NSD3: variants seen among roughly 807,000 people sequenced by gnomAD.
NSD3 encodes the protein histone-lysine N-methyltransferase NSD3.
In NSD3, 24 loss-of-function variants were observed where a neutral mutation model predicts 160.8. That is an observed-to-expected ratio of 0.15 (90% CI 0.11 to 0.21). The LOEUF is 0.21. Ranked by LOEUF, NSD3 falls within the 10% of genes least tolerant of loss-of-function variation. The pLI is 1.00. For synonymous variants in NSD3, 520 were observed against 600.0 expected, an observed-to-expected ratio of 0.87 and a Z score of 1.95; for missense variants, 1,157 against 1,735.9, an observed-to-expected ratio of 0.67 and a Z score of 5.93.
intron 1 of NSD3, 36 bp downstream of exon 1, chr8:38,381,762 AC>A (rs1811581625): frequency 6.5e-6 from 1 of 152,996 alleles, no homozygotes; most frequent in South Asian, 2.1e-4. Context: ...ACACACACAC[AC>A]ACACACACAC....
chr8:38,360,088 T>C lies in NSD3; in HGVS notation c.-44-11873A>G, dbSNP rs1034513601. ...ACAGCTCATGGCAGCCTCAACTTCC[T>C]GGGCTCAGGTGATTCTCCCACCTCA... On this transcript the variant is annotated intron_variant, in intron 1 of 23. Transcript: ENST00000317025. Among the ~76,000 whole-genome samples, 13 of 151,836 alleles carry C rather than the reference T, an allele frequency of 8.6e-5. No individual in the cohort carries two copies. The South Asian group carries it at 2.7e-3, about 32-fold the overall frequency.
Position 38,317,436 on chromosome 8 carries a change from G to C in NSD3, c.1856-1394C>G. 9.5e-7 allele frequency: 1 copy of C among 1,057,736 alleles called. No individual in the cohort carries two copies. The highest frequency in any genetic ancestry group is 1.1e-6 in the Non-Finnish European group (1 of 874,574). The allele number at this position is 1,057,736 out of a possible 1,614,324, so 65.5% of individuals were successfully genotyped here. ...GTTTTAACAGAGGAACAGGAGTGCT[G>C]TACTGAGAGGCTTTCGAAGGGAAAC... On this transcript the variant is annotated intron_variant, in intron 9 of 23. Transcript: ENST00000317025. The surrounding 1 kb of genome is among the most constrained non-coding windows in gnomAD (Gnocchi z 5.3).
At chr8:38,292,464 T>C (rs1053755940) in intron 16 of NSD3, among the ~76,000 whole-genome samples, 3 of 151,522 alleles carry the variant, frequency 2.0e-5, no homozygotes, top group African/African-American at 4.9e-5. Flanking sequence ...CTGGCCAACA[T>C]GGTGAAACCC....
chr8:38,328,614 A>G (rs1809972134), intron 6 of NSD3, among the ~76,000 whole-genome samples: 1 of 152,244 alleles, frequency 6.6e-6, no homozygotes. Context: ...AGGAAAAAAT[A>G]AGCATAGAAT....
intron 16 of NSD3, among the ~76,000 whole-genome samples, chr8:38,293,199 T>G (rs1321753523): frequency 6.7e-6 from 1 of 150,086 alleles, no homozygotes; most frequent in Non-Finnish European, 1.5e-5. Flanking sequence ...ATACCCCAGA[T>G]CTCAGCTAAA....
rs1465750290 is a variant in NSD3, at chr8:38,279,663, C to T, written c.3637G>A (p.Gly1213Ser). 2.5e-6 allele frequency: 4 copies of T among 1,613,312 alleles called. No individual in the cohort carries two copies. Among genetic ancestry groups the T allele is most frequent in the Non-Finnish European group, 3.4e-6 (4 of 1,179,538 alleles). Reference protein sequence around the residue: ...TVTKDRIIDAGPKGNYSRFMN... With the variant: ...TVTKDRIIDASPKGNYSRFMN... ...AAGCGAGAATAATTTCCTTTTGGGCCGGCATCAATTATACGGTCCTTCAGA... is the reference window on the plus strand; with the variant it reads ...AAGCGAGAATAATTTCCTTTTGGGCTGGCATCAATTATACGGTCCTTCAGA... Residue 1213 changes from glycine to serine, a missense_variant, in exon 21 of 24, where the codon GGC (glycine) becomes AGC (serine). Coordinates refer to ENST00000317025, the MANE Select transcript of NSD3 (RefSeq NM_023034.2).
chr8:38,326,653 C>A, intron 7 of NSD3, 77 bp downstream of exon 7: 1 of 1,345,436 alleles, frequency 7.4e-7, no homozygotes, highest in Admixed American at 2.9e-5. Context: ...TTCTTAGAAA[C>A]ACAGCTACCA....
At position 38,317,152 on chromosome 8, in the gene NSD3, T is replaced by G; in HGVS notation, c.1856-1110A>C. 9.4e-7 allele frequency: 1 copy of G among 1,063,320 alleles called. No individual in the cohort carries two copies. Among genetic ancestry groups the G allele is most frequent in the Middle Eastern group, 4.2e-4 (1 of 2,390 alleles). The allele number at this position is 1,063,320 out of a possible 1,614,324, so 65.9% of individuals were successfully genotyped here. A position where few individuals can be genotyped will look rare whatever the true frequency, so the allele number is the denominator to read the frequency against. On this transcript the variant is annotated intron_variant, in intron 9 of 23. Transcript: ENST00000317025. This position sits in a 1 kb window ranked among gnomAD's most constrained non-coding sequence, Gnocchi z 5.3. ...CAACAGGCTGAGTGAGAGTAGCACTTGGAACATAGCCACGTTCTGTGGTGG... is the reference window on the plus strand; with the variant it reads ...CAACAGGCTGAGTGAGAGTAGCACTGGGAACATAGCCACGTTCTGTGGTGG...
Position 38,319,801 on chromosome 8 carries a change from C to T in NSD3, c.1810-861G>A, listed in dbSNP as rs1364904248. 6.6e-6 allele frequency: 1 copy of T among 151,964 alleles called. No individual in the cohort carries two copies. Among genetic ancestry groups the T allele is most frequent in the Non-Finnish European group, 1.5e-5 (1 of 67,966 alleles). 9.4% of individuals were successfully genotyped at this position (151,964 alleles called of 1,614,324 possible). On this transcript the variant is annotated intron_variant, in intron 8 of 23. Coordinates refer to ENST00000317025, the MANE Select transcript of NSD3 (RefSeq NM_023034.2). This position sits in a 1 kb window ranked among gnomAD's most constrained non-coding sequence, Gnocchi z 4.1. ...ATTTTTTTTACAACAGGTAAAAAAA[C>T]ATACAACAGAAACGCTTTTATAAGA... is the stretch of plus-strand genomic sequence containing the variant.
chr8:38,287,865 G>A lies in NSD3; in HGVS notation c.3501+622C>T, dbSNP rs575134929. On this transcript the variant is annotated intron_variant, in intron 19 of 23. Transcript: ENST00000317025. ...GACGGGGTTTCACCATGTTAGCCAG[G>A]ATGGTCTCAATCTCCTGACCTCGGC... Among the ~76,000 whole-genome samples, 14 of 152,242 alleles carry A rather than the reference G, an allele frequency of 9.2e-5. No individual in the cohort carries two copies. The East Asian group carries it at 2.7e-3, about 29-fold the overall frequency.
chr8:38,355,102 AG>A (rs1358242551), intron 1 of NSD3, among the ~76,000 whole-genome samples: 14 of 152,150 alleles, frequency 9.2e-5, no homozygotes, highest in African/African-American at 3.1e-4. Context: ...TTACTAGATT[AG>A]GGGGCTCTAC....
chr8:38,366,434 T>TTTTTTTTTTG (rs59626261), intron 1 of NSD3, among the ~76,000 whole-genome samples: 1 of 149,018 alleles, frequency 6.7e-6, no homozygotes. Context: ...TTTTTTTTTT[T>TTTTTTTTTTG]GAGATAGAGT....
intron 14 of NSD3, chr8:38,303,208 A>G: frequency 8.1e-6 from 8 of 983,628 alleles, no homozygotes; most frequent in Non-Finnish European, 9.7e-6. Flanking sequence ...TCTAAAGCTA[A>G]ACATTCAACT....
At chr8:38,345,996 G>T (rs185792469) in intron 2 of NSD3, among the ~76,000 whole-genome samples, 55 of 152,002 alleles carry the variant, frequency 3.6e-4, no homozygotes, top group Admixed American at 1.3e-3. Context: ...AAAGAACTAG[G>T]TATAGCAGAC....
chr8:38,349,300 G>A (rs1273751967), intron 1 of NSD3, among the ~76,000 whole-genome samples: 2 of 151,854 alleles, frequency 1.3e-5, no homozygotes, highest in Admixed American at 1.3e-4. Flanking sequence ...TAATAAATAC[G>A]TCTGCAGAAA....
At chr8:38,377,859 G>A (rs1811433027) in intron 1 of NSD3, among the ~76,000 whole-genome samples, 1 of 152,008 alleles carries the variant, frequency 6.6e-6, no homozygotes, top group Non-Finnish European at 1.5e-5. Context: ...CTTGAACCGG[G>A]AGGTGAAGTC....
chr8:38,296,493 C>T (rs1809148383), intron 15 of NSD3, among the ~76,000 whole-genome samples: 1 of 152,082 alleles, frequency 6.6e-6, no homozygotes, highest in Admixed American at 6.5e-5. Context: ...GCAAAAGGAA[C>T]ACAGAATCTC....
chr8:38,362,371 T>G (rs1585924484), intron 1 of NSD3, among the ~76,000 whole-genome samples: 1 of 151,312 alleles, frequency 6.6e-6, no homozygotes, highest in East Asian at 1.9e-4. Context: ...TGGCATGGAT[T>G]TTGAACTGAG....
At chr8:38,291,788 G>A (rs995660839) in intron 16 of NSD3, among the ~76,000 whole-genome samples, 1 of 152,150 alleles carries the variant, frequency 6.6e-6, no homozygotes, top group African/African-American at 2.4e-5. Flanking sequence ...GTTCTGCCTG[G>A]GTTTGTTCCA....
Sources: allele counts gnomAD v4.1 joint callset (sites outside exome capture counted in the v4.1 genomes callset), GRCh38; gene constraint gnomAD v4.1.1; non-coding constraint Gnocchi (gnomAD v3.1); transcripts MANE v1.5; gene names NCBI Gene and HGNC (gene_info 2026-07-23, HGNC 2026-07-21).